The following MAPK10 variants were observed in gnomAD, a reference collection of about 807,000 sequenced individuals.
The protein encoded by MAPK10 is JNK3 alpha protein kinase.
In MAPK10, 25 loss-of-function variants were observed where a neutral mutation model predicts 59.3. The ratio of observed to expected loss-of-function variants is 0.42; its 90% CI spans 0.31 to 0.59. The LOEUF is 0.59. MAPK10 is among the 20% of genes least tolerant of loss of function. MAPK10 has a pLI of 0.15. For synonymous variants in MAPK10, 190 were observed against 200.5 expected, an observed-to-expected ratio of 0.95 and a Z score of 0.44; for missense variants, 351 against 568.9, an observed-to-expected ratio of 0.62 and a Z score of 3.90.
chr4:86,302,203 A>G (rs1178831830), intron 2 of MAPK10, among the ~76,000 whole-genome samples: 1 of 152,244 alleles, frequency 6.6e-6, no homozygotes, highest in Non-Finnish European at 1.5e-5. Flanking sequence ...CAGCTGCCTA[A>G]TAATAGCAAA....
intron 3 of MAPK10, among the ~76,000 whole-genome samples, chr4:86,175,444 T>C (rs1008226314): frequency 6.6e-6 from 1 of 152,124 alleles, no homozygotes; most frequent in Non-Finnish European, 1.5e-5. Flanking sequence ...ATCCCCAGTG[T>C]TGGAGGTGGG....
At chr4:86,177,118 A>C (rs2075867016) in intron 3 of MAPK10, among the ~76,000 whole-genome samples, 1 of 152,110 alleles carries the variant, frequency 6.6e-6, no homozygotes, top group Non-Finnish European at 1.5e-5. Context: ...TTCATATCTC[A>C]AAACCACAGC....
chr4:86,578,077 C>T (rs892618553), intron 1 of MAPK10, among the ~76,000 whole-genome samples: 1 of 152,084 alleles, frequency 6.6e-6, no homozygotes, highest in Non-Finnish European at 1.5e-5. Flanking sequence ...AGCAAAAACA[C>T]AGAAAATTTA....
chr4:86,261,335 T>C (rs2093971986), intron 2 of MAPK10, among the ~76,000 whole-genome samples: 1 of 152,242 alleles, frequency 6.6e-6, no homozygotes, highest in Non-Finnish European at 1.5e-5. Context: ...TTTTCTTTTT[T>C]GTAACAGGAG....
chr4:86,129,237 TAGTTTATG>T (rs2060595874), intron 4 of MAPK10, among the ~76,000 whole-genome samples: 1 of 152,180 alleles, frequency 6.6e-6, no homozygotes, highest in Non-Finnish European at 1.5e-5. Context: ...ACAAAACAAT[TAGTTTATG>T]GTAGAATTTT....
rs1174482171 is a variant in MAPK10, at chr4:86,219,928, A to G, written c.-6-25521T>C. The G allele has an allele frequency of 3.9e-5, 6 of 152,226 alleles. No individual in the cohort carries two copies. The East Asian group carries it at 1.2e-3, about 29-fold the overall frequency. 9.4% of individuals were successfully genotyped at this position (152,226 alleles called of 1,614,324 possible). On this transcript the variant is annotated intron_variant, in intron 2 of 13. Transcript: ENST00000641462. The stretch of plus-strand genomic sequence containing the variant: ...TGTATAATAAATTATTTGCTTTAAT[A>G]TTTTCTTTTCTAGAAATGTGTATAA...
At position 86,276,007 on chromosome 4, in the gene MAPK10, A is replaced by G. The variant is rs555426698; in HGVS notation, c.-7+78523T>C. Among the ~76,000 whole-genome samples the G allele has an allele frequency of 3.3e-5, 5 of 152,256 alleles. No individual in the cohort carries two copies. The East Asian group carries it at 9.6e-4, about 29-fold the overall frequency. ...TTCTTATATTAATACTAGAATCCAC[A>G]AGTTGTTTAATAAGTATTGTAACAT... is the stretch of plus-strand genomic sequence containing the variant. On this transcript the variant is annotated intron_variant, in intron 2 of 13. Transcript: ENST00000641462.
chr4:86,012,512 A>AT lies in MAPK10; in HGVS notation c.*4715dup, dbSNP rs1265727658. On this transcript the variant is annotated 3_prime_UTR_variant, in exon 14 of 14. Transcript: ENST00000641462. Reference sequence around the variant, plus strand: ...TGTTGAGAGAAGCAGATTTCCTCTGATTTTAATAATCCATAAGAAACAGAA... The same window carrying AT: ...TGTTGAGAGAAGCAGATTTCCTCTGATTTTTAATAATCCATAAGAAACAGAA... The AT allele has an allele frequency of 6.6e-6, 1 of 152,150 alleles. No individual in the cohort carries two copies. Among genetic ancestry groups the AT allele is most frequent in the Admixed American group, 6.5e-5 (1 of 15,276 alleles). The allele number at this position is 152,150 out of a possible 1,614,324, so 9.4% of individuals were successfully genotyped here. A position where few individuals can be genotyped will look rare whatever the true frequency, so the allele number is the denominator to read the frequency against.
chr4:86,069,816 A>C (rs2047448718), intron 9 of MAPK10, among the ~76,000 whole-genome samples: 1 of 152,134 alleles, frequency 6.6e-6, no homozygotes, highest in Admixed American at 6.5e-5. Flanking sequence ...CAAAGTTGGC[A>C]AAATAATCCC....
intron 2 of MAPK10, among the ~76,000 whole-genome samples, chr4:86,230,381 G>A (rs558093653): frequency 2.0e-4 from 30 of 152,194 alleles, no homozygotes; most frequent in Non-Finnish European, 4.1e-4. Context: ...TTTGGCATAC[G>A]CCTTGCTCAG....
rs1445608212 is a variant in MAPK10, at chr4:86,359,286, CTCTG to C, written c.-122+368_-122+371del. Among the ~76,000 whole-genome samples, 303 of 118,086 alleles carry C rather than the reference CTCTG, an allele frequency of 2.6e-3. 1 individual carries two copies. Among genetic ancestry groups the C allele is most frequent in the African/African-American group, 8.4e-3 (226 of 26,766 alleles). The allele number at this position is 118,086 out of a possible 152,430, so 77.5% of individuals were successfully genotyped here. A position where few individuals can be genotyped will look rare whatever the true frequency, so the allele number is the denominator to read the frequency against. On this transcript the variant is annotated intron_variant, in intron 1 of 13. Transcript: ENST00000641462. ...TTCCTCTCTCTCTCTCTCTCTCTCT[CTCTG>C]TGTGTGTGTGTGTGTGTGTGTGTGT...
intron 1 of MAPK10, among the ~76,000 whole-genome samples, chr4:86,425,755 A>C (rs1356807778): frequency 6.6e-6 from 1 of 152,178 alleles, no homozygotes; most frequent in East Asian, 1.9e-4. Flanking sequence ...GGCGGATCAC[A>C]TGAGGCCAGG....
At chr4:86,497,779 G>A (rs1405499078) in intron 1 of MAPK10, among the ~76,000 whole-genome samples, 3 of 152,082 alleles carry the variant, frequency 2.0e-5, no homozygotes, top group Non-Finnish European at 4.4e-5. Flanking sequence ...ATATGAAGTT[G>A]AGAAGATACG....
chr4:86,559,896 A>G (rs1015995922), intron 1 of MAPK10, among the ~76,000 whole-genome samples: 10 of 151,450 alleles, frequency 6.6e-5, no homozygotes, highest in African/African-American at 2.2e-4. Flanking sequence ...CCGAGATTGC[A>G]ACACTGCACT....
chr4:86,057,951 C>T (rs2044946130), intron 11 of MAPK10, among the ~76,000 whole-genome samples: 1 of 149,494 alleles, frequency 6.7e-6, no homozygotes, highest in African/African-American at 2.5e-5. Flanking sequence ...ACATGTGGTC[C>T]AACATTGTCT....
chr4:86,211,150 GA>G (rs942500939), intron 2 of MAPK10, among the ~76,000 whole-genome samples: 6 of 151,974 alleles, frequency 3.9e-5, no homozygotes, highest in African/African-American at 1.4e-4. Flanking sequence ...AAGAGAGAGA[GA>G]GGGGTAGAAA....
chr4:86,245,648 TTAA>T, intron 2 of MAPK10, among the ~76,000 whole-genome samples: 1 of 152,198 alleles, frequency 6.6e-6, no homozygotes, highest in Middle Eastern at 3.4e-3. Flanking sequence ...GTGCCAATTC[TTAA>T]TAAGGAGAAC....
rs376950243 is a variant in MAPK10, at chr4:86,437,208, T to C, written c.-122+15822A>G. On this transcript the variant is annotated intron_variant, in intron 1 of 13. Coordinates refer to the MAPK10 transcript ENST00000361569. ...CAGCCTGGGCGACAGAGTGAGACTC[T>C]GTCTCAAAAAAAAAAAAAAAAAAAA... 2.7e-3 allele frequency among the ~76,000 whole-genome samples: 363 copies of C among 133,624 alleles called. 2 individuals carry two copies. Among genetic ancestry groups the C allele is most frequent in the Non-Finnish European group, 4.5e-3 (285 of 62,904 alleles). 87.7% of individuals were successfully genotyped at this position (133,624 alleles called of 152,430 possible). A position where few individuals can be genotyped will look rare whatever the true frequency, so the allele number is the denominator to read the frequency against.
intron 2 of MAPK10, among the ~76,000 whole-genome samples, chr4:86,210,847 G>A (rs901801397): frequency 1.3e-5 from 2 of 149,312 alleles, no homozygotes; most frequent in Admixed American, 6.7e-5. Context: ...AAAAAGTCAA[G>A]AAAATAACAT....
Sources: allele counts gnomAD v4.1 joint callset (sites outside exome capture counted in the v4.1 genomes callset), GRCh38; gene constraint gnomAD v4.1.1; transcripts MANE v1.5; gene names NCBI Gene and HGNC (gene_info 2026-07-23, HGNC 2026-07-21).